Variants in ME3 observed in about 807,000 individuals in gnomAD.
The protein encoded by ME3 is NADP-dependent malic enzyme, mitochondrial.
In ME3, 48 loss-of-function variants were observed where a neutral mutation model predicts 68.9. The ratio of observed to expected loss-of-function variants is 0.70; its 90% confidence interval spans 0.55 to 0.89. The LOEUF is 0.89. Ranked by LOEUF, ME3 falls within the 40% of genes least tolerant of loss-of-function variation. ME3 has a pLI of 0.00. For missense variants in ME3, 675 were observed against 797.4 expected (o/e 0.85, Z 1.85); for synonymous variants, 320 against 318.8 (o/e 1.00, Z -0.04).
chr11:86,655,445 G>T (rs899833411), intron 2 of ME3, among the ~76,000 whole-genome samples: 1 of 151,884 alleles, frequency 6.6e-6, no homozygotes, highest in African/African-American at 2.4e-5. Context: ...ATAACGCCAC[G>T]TATCTACAAT....
chr11:86,534,648 C>G (rs1397925600), intron 4 of ME3, among the ~76,000 whole-genome samples: 3 of 152,218 alleles, frequency 2.0e-5, no homozygotes, highest in East Asian at 3.9e-4. Flanking sequence ...GCACTCCAGC[C>G]TGGGCAACAG....
intron 7 of ME3, among the ~76,000 whole-genome samples, chr11:86,473,561 G>T (rs1950898562): frequency 6.6e-6 from 1 of 152,134 alleles, no homozygotes; most frequent in South Asian, 2.1e-4. Flanking sequence ...GACAGGGCTG[G>T]TGAGATCCTG....
intron 4 of ME3, among the ~76,000 whole-genome samples, chr11:86,552,557 CCCCTT>C (rs1439636826): frequency 1.3e-5 from 2 of 152,166 alleles, no homozygotes; most frequent in African/African-American, 4.8e-5. Flanking sequence ...TAACCAGAAA[CCCCTT>C]ATTCTTGATG....
chr11:86,464,235 C>A, intron 8 of ME3: 1 of 338,088 alleles, frequency 3.0e-6, no homozygotes, highest in South Asian at 2.4e-5. Context: ...TAAAAGATTG[C>A]TTGGCAAACT....
intron 4 of ME3, among the ~76,000 whole-genome samples, chr11:86,512,099 C>G (rs1483871441): frequency 6.6e-6 from 1 of 152,282 alleles, no homozygotes; most frequent in South Asian, 2.1e-4. Context: ...TTAATTAAAC[C>G]CTTCCTTTAC....
chr11:86,560,760 A>G (rs1476128256), intron 2 of ME3, among the ~76,000 whole-genome samples: 10 of 138,908 alleles, frequency 7.2e-5, no homozygotes, highest in East Asian at 7.1e-4. Flanking sequence ...ATATATATAT[A>G]TATATATATA....
chr11:86,558,384 G>A (rs979923072), intron 3 of ME3, among the ~76,000 whole-genome samples: 2 of 152,114 alleles, frequency 1.3e-5, no homozygotes, highest in Non-Finnish European at 2.9e-5. Context: ...AAGAGGGAGA[G>A]GATATTTGGC....
At chr11:86,605,280 C>G (rs1303589581) in intron 2 of ME3, among the ~76,000 whole-genome samples, 3 of 152,162 alleles carry the variant, frequency 2.0e-5, no homozygotes, top group Non-Finnish European at 4.4e-5. Context: ...GCCTACTGTG[C>G]CAATATGATT....
At chr11:86,621,572 C>G (rs1943352589) in intron 2 of ME3, among the ~76,000 whole-genome samples, 1 of 151,916 alleles carries the variant, frequency 6.6e-6, no homozygotes, top group African/African-American at 2.4e-5. Flanking sequence ...TCCTTCCATT[C>G]TTTTTCTTTC....
At chr11:86,599,620 G>C (rs1199307881) in intron 2 of ME3, among the ~76,000 whole-genome samples, 1 of 152,138 alleles carries the variant, frequency 6.6e-6, no homozygotes, top group African/African-American at 2.4e-5. Flanking sequence ...GATACTCCTT[G>C]AGAAGAACAA....
chr11:86,663,729 A>G (rs997558161), intron 2 of ME3, among the ~76,000 whole-genome samples: 1 of 152,216 alleles, frequency 6.6e-6, no homozygotes, highest in Non-Finnish European at 1.5e-5. Flanking sequence ...TTTGGTAGAA[A>G]TGACAAAAAT....
At chr11:86,612,183 T>C (rs1292072185) in intron 2 of ME3, among the ~76,000 whole-genome samples, 1 of 152,192 alleles carries the variant, frequency 6.6e-6, no homozygotes, top group African/African-American at 2.4e-5. Context: ...TGTTCCTGTG[T>C]TAGTTTGCTG....
chr11:86,496,452 T>C (rs1952342702), intron 6 of ME3, among the ~76,000 whole-genome samples: 1 of 152,038 alleles, frequency 6.6e-6, no homozygotes, highest in African/African-American at 2.4e-5. Context: ...GGATGCATTG[T>C]GTTTAGGGAA....
chr11:86,540,476 G>C, intron 4 of ME3, among the ~76,000 whole-genome samples: 1 of 152,114 alleles, frequency 6.6e-6, no homozygotes, highest in East Asian at 1.9e-4. Flanking sequence ...GGTTTGGTAT[G>C]ACACACCCCA....
chr11:86,666,887 A>G (rs1946619835), intron 2 of ME3, among the ~76,000 whole-genome samples: 1 of 152,100 alleles, frequency 6.6e-6, no homozygotes, highest in African/African-American at 2.4e-5. Context: ...CATAGTAACA[A>G]CCTCCCCTCA....
intron 8 of ME3, among the ~76,000 whole-genome samples, chr11:86,463,196 G>A (rs1209966956): frequency 6.6e-6 from 1 of 152,168 alleles, no homozygotes; most frequent in African/African-American, 2.4e-5. Flanking sequence ...GTATACACAT[G>A]TGGCTGTCTG....
intron 4 of ME3, among the ~76,000 whole-genome samples, chr11:86,552,736 GA>G: frequency 6.6e-6 from 1 of 152,218 alleles, no homozygotes; most frequent in South Asian, 2.1e-4. Context: ...TCCAGCTCCT[GA>G]ATAAAGTCTG....
At chr11:86,471,303 T>G (rs1950773930) in intron 7 of ME3, among the ~76,000 whole-genome samples, 1 of 151,934 alleles carries the variant, frequency 6.6e-6, no homozygotes, top group South Asian at 2.1e-4. Context: ...GCCCAGCTAA[T>G]TTTTGTATTT....
chr11:86,650,029 G>A (rs977770268), intron 2 of ME3, among the ~76,000 whole-genome samples: 1 of 152,166 alleles, frequency 6.6e-6, no homozygotes, highest in Admixed American at 6.5e-5. Context: ...AACACAGTTG[G>A]AGGCATCATG....
Sources: gnomAD v4.1 joint callset for allele counts (sites outside exome capture counted in the v4.1 genomes callset) on GRCh38, gnomAD v4.1.1 for gene constraint, MANE v1.5 for transcripts, NCBI Gene and HGNC (gene_info 2026-07-23, HGNC 2026-07-21) for gene names.